ATP11A: variants seen among roughly 807,000 people sequenced by gnomAD.
ATP11A encodes phospholipid-transporting ATPase IH.
In ATP11A, 81 loss-of-function variants were observed where a neutral mutation model predicts 154.4. The ratio of observed to expected loss-of-function variants is 0.52; its 90% CI spans 0.44 to 0.63. ATP11A has a LOEUF of 0.63. Among genes scored for constraint, ATP11A ranks in the 30% least tolerant of loss-of-function variants. The pLI, the probability that ATP11A is intolerant of heterozygous loss-of-function variation, is 0.00. For missense variants in ATP11A, 1,316 were observed against 1,474.3 expected, an observed-to-expected ratio of 0.89 and a Z score of 1.76; for synonymous variants, 623 against 585.9, an observed-to-expected ratio of 1.06 and a Z score of -0.91.
chr13:112,743,253 A>G (rs183887465), intron 1 of ATP11A, among the ~76,000 whole-genome samples: 52 of 152,320 alleles, frequency 3.4e-4, no homozygotes, highest in Admixed American at 2.2e-3. Flanking sequence ...GCTGTATTCA[A>G]TAGCATTGCT....
chr13:112,824,111 T>C (rs1474340834), intron 9 of ATP11A, among the ~76,000 whole-genome samples: 1 of 152,202 alleles, frequency 6.6e-6, no homozygotes, highest in Non-Finnish European at 1.5e-5. Flanking sequence ...CCAGTGTATA[T>C]TAAGATATGA....
intron 1 of ATP11A, among the ~76,000 whole-genome samples, chr13:112,763,562 T>C (rs1342965795): frequency 6.6e-6 from 1 of 152,232 alleles, no homozygotes; most frequent in Non-Finnish European, 1.5e-5. Context: ...CACTTCCCTT[T>C]CCAGCTCTTT....
intron 2 of ATP11A, among the ~76,000 whole-genome samples, chr13:112,802,570 A>AAAAAAAAAAAAAAAAAAAT: frequency 6.6e-6 from 1 of 151,536 alleles, no homozygotes. Context: ...AAAAAAAAAA[A>AAAAAAAAAAAAAAAAAAAT]AAACCCAGCA....
At chr13:112,860,923 G>A (rs1191856252) in intron 24 of ATP11A, 1 of 152,870 alleles carries the variant, frequency 6.5e-6, no homozygotes, top group African/African-American at 2.4e-5. Context: ...TGTTTTCCAT[G>A]GTCTTTTAAA....
At chr13:112,766,791 T>G (rs1187628917) in intron 1 of ATP11A, among the ~76,000 whole-genome samples, 2 of 131,526 alleles carry the variant, frequency 1.5e-5, no homozygotes, top group Admixed American at 1.6e-4. Flanking sequence ...GTGAGGAGGA[T>G]GTGGGGGCGT....
intron 1 of ATP11A, among the ~76,000 whole-genome samples, chr13:112,781,620 G>A (rs976980798): frequency 3.3e-5 from 5 of 152,124 alleles, no homozygotes; most frequent in Admixed American, 1.3e-4. Context: ...CCAGGCTGCT[G>A]TTAGTGACGG....
At chr13:112,836,500 C>T (rs966844891) in intron 16 of ATP11A, among the ~76,000 whole-genome samples, 1 of 152,166 alleles carries the variant, frequency 6.6e-6, no homozygotes, top group South Asian at 2.1e-4. Flanking sequence ...CTTTTAGTGT[C>T]GAGTTGGGGC....
At chr13:112,722,728 A>T (rs1307082092) in intron 1 of ATP11A, among the ~76,000 whole-genome samples, 1 of 152,212 alleles carries the variant, frequency 6.6e-6, no homozygotes, top group Non-Finnish European at 1.5e-5. Context: ...TTCTGAGACA[A>T]TATGAGTGGC....
Position 112,696,274 on chromosome 13 carries a change from G to GGA in ATP11A, c.39+5822_39+5823dup, listed in dbSNP as rs1287989084. ...CCGTCCATGCTTCTGGGCTTCTTAA[G>GGA]GAGACCGCCTCTCACCTTGGGCTTT... On this transcript the variant is annotated intron_variant, in intron 1 of 29. Coordinates refer to ENST00000375645, the MANE Select transcript of ATP11A (RefSeq NM_015205.3). This position sits in a 1 kb window ranked among gnomAD's most constrained non-coding sequence, Gnocchi z 6.2. Among the ~76,000 whole-genome samples the GGA allele has an allele frequency of 6.6e-6, 1 of 152,220 alleles. No homozygotes were observed. The highest frequency in any genetic ancestry group is 1.5e-5 in the Non-Finnish European group (1 of 68,038).
At chr13:112,800,308 G>A (rs2078100308) in intron 2 of ATP11A, among the ~76,000 whole-genome samples, 1 of 151,970 alleles carries the variant, frequency 6.6e-6, no homozygotes, top group Admixed American at 6.6e-5. Context: ...CAGAAATAAA[G>A]GAGGGGCATC....
At chr13:112,834,456 G>T in intron 14 of ATP11A, 133 bp from the exon 15 acceptor site, 1 of 662,848 alleles carries the variant, frequency 1.5e-6, no homozygotes, top group Non-Finnish European at 2.7e-6. Context: ...TTATAATGCA[G>T]TTTATAATCT....
At position 112,881,456 on chromosome 13, in the gene ATP11A, C is replaced by T. The variant is rs143437437; in HGVS notation, c.*10-420C>T. 4.4e-5 allele frequency: 47 copies of T among 1,072,346 alleles called. No individual in the cohort carries two copies. The Middle Eastern group carries it at 2.6e-3, about 60-fold the overall frequency. 66.4% of individuals were successfully genotyped at this position (1,072,346 alleles called of 1,614,324 possible). A position where few individuals can be genotyped will look rare whatever the true frequency, so the allele number is the denominator to read the frequency against. On this transcript the variant is annotated intron_variant, in intron 29 of 29. Coordinates refer to ENST00000375645, the MANE Select transcript of ATP11A (RefSeq NM_015205.3). ...GGTCTCTGGGTACCGGTATGGCGTT[C>T]GAGCTCACTGCACAGGAAGCCAGCT...
chr13:112,691,257 G>A (rs1454441085), intron 1 of ATP11A, among the ~76,000 whole-genome samples: 1 of 152,096 alleles, frequency 6.6e-6, no homozygotes. Context: ...GAGGTCAGGA[G>A]TTTGAGACCA....
At chr13:112,701,597 C>G (rs1886543495) in intron 1 of ATP11A, among the ~76,000 whole-genome samples, 1 of 152,128 alleles carries the variant, frequency 6.6e-6, no homozygotes. Context: ...CTTTGGGAGG[C>G]CGAGGCGGGC....
chr13:112,760,049 T>G (rs758703309), intron 1 of ATP11A, among the ~76,000 whole-genome samples: 1 of 152,156 alleles, frequency 6.6e-6, no homozygotes, highest in Non-Finnish European at 1.5e-5. Context: ...AGCTTGGGGC[T>G]TAAAGGAAGA....
At chr13:112,772,344 TG>T (rs991067085) in intron 1 of ATP11A, among the ~76,000 whole-genome samples, 14 of 152,244 alleles carry the variant, frequency 9.2e-5, no homozygotes, top group African/African-American at 3.4e-4. Flanking sequence ...GCGGCTGCGG[TG>T]GGGCCATGTG....
Position 112,875,714 on chromosome 13 carries a change from G to A in ATP11A, c.3162-62G>A, listed in dbSNP as rs2080700893. ...CCTGAACAGACGGCCTCTCCAGTGA[G>A]TAGAGAGGCCAGCCCCAGGGAGTAC... is the stretch of plus-strand genomic sequence containing the variant. On this transcript the variant is annotated intron_variant, in intron 27 of 29. Transcript: ENST00000375645. This position sits in a 1 kb window ranked among gnomAD's most constrained non-coding sequence, Gnocchi z 4.1. The A allele has an allele frequency of 2.6e-6, 4 of 1,553,138 alleles. No homozygotes were observed. The Admixed American group carries it at 5.2e-5, about 20-fold the overall frequency.
intron 10 of ATP11A, 139 bp downstream of exon 10, chr13:112,824,564 C>T (rs916745177): frequency 5.5e-6 from 4 of 729,768 alleles, no homozygotes; most frequent in African/African-American, 5.2e-5. Flanking sequence ...GCTGACCATT[C>T]AGATGGTCTT....
chr13:112,709,124 C>T (rs1359480446), intron 1 of ATP11A, among the ~76,000 whole-genome samples: 1 of 152,158 alleles, frequency 6.6e-6, no homozygotes, highest in Non-Finnish European at 1.5e-5. Context: ...GCCCTCTGTG[C>T]CCCTCCTGGC....
Sources: allele counts gnomAD v4.1 joint callset (sites outside exome capture counted in the v4.1 genomes callset), GRCh38; gene constraint gnomAD v4.1.1; non-coding constraint Gnocchi (gnomAD v3.1); transcripts MANE v1.5; gene names NCBI Gene and HGNC (gene_info 2026-07-23, HGNC 2026-07-21).